PRMT8: variants seen among roughly 807,000 people sequenced by gnomAD.
PRMT8 encodes the protein protein arginine methyltransferase 8, also known as protein arginine N-methyltransferase 8.
A neutral mutation model predicts 47.1 loss-of-function variants in PRMT8; 7 were observed. The observed-to-expected ratio is 0.15, with a 90% CI of 0.08 to 0.28. The LOEUF (loss-of-function observed/expected upper bound fraction) is 0.28, where lower values mean the gene tolerates loss of function less well. Ranked by LOEUF, PRMT8 falls within the 10% of genes least tolerant of loss-of-function variation. The pLI, the probability that PRMT8 is intolerant of heterozygous loss-of-function variation, is 1.00. For synonymous variants in PRMT8, 188 were observed against 186.5 expected (o/e 1.01, Z -0.07); for missense variants, 237 against 505.4 (o/e 0.47, Z 5.09).
At chr12:3,438,781 G>T (rs1263597271) in intron 1 of PRMT8, among the ~76,000 whole-genome samples, 1 of 152,240 alleles carries the variant, frequency 6.6e-6, no homozygotes, top group African/African-American at 2.4e-5. Context: ...TAAGAACAGA[G>T]TGGTGAGTTT....
At chr12:3,524,044 C>T (rs961353242) in intron 1 of PRMT8, among the ~76,000 whole-genome samples, 2 of 152,180 alleles carry the variant, frequency 1.3e-5, no homozygotes, top group Admixed American at 1.3e-4. Flanking sequence ...TGTTAGTATC[C>T]AATTGCACCG....
chr12:3,415,482 C>G (rs1864474615), intron 1 of PRMT8, among the ~76,000 whole-genome samples: 1 of 152,184 alleles, frequency 6.6e-6, no homozygotes, highest in African/African-American at 2.4e-5. Context: ...TGACCAGCCC[C>G]ATCCTGAAGC....
chr12:3,506,090 G>C (rs767623490), intron 1 of PRMT8, among the ~76,000 whole-genome samples: 2 of 152,172 alleles, frequency 1.3e-5, no homozygotes, highest in Non-Finnish European at 1.5e-5. Flanking sequence ...GCAGGCTCTG[G>C]GGTTAGTGTG....
rs184322766 is a variant in PRMT8, at chr12:3,563,259, G to A, written c.482-5447G>A. Among the ~76,000 whole-genome samples, 236 of 152,170 alleles carry A rather than the reference G, an allele frequency of 1.6e-3. 2 individuals are homozygous for A. Among genetic ancestry groups the A allele is most frequent in the African/African-American group, 4.9e-3 (205 of 41,524 alleles). ...GGGCTTTAGAGCTCCAGCCAAGCAC[G>A]TTGGGCCCTGAGCCCTCAAGAGAGC... On this transcript the variant is annotated intron_variant, in intron 4 of 9. Coordinates refer to ENST00000382622, the MANE Select transcript of PRMT8 (RefSeq NM_019854.5).
rs896018948 is a variant in PRMT8, at chr12:3,409,149, G to T, written c.48+27707G>T. 1.3e-5 allele frequency among the ~76,000 whole-genome samples: 2 copies of T among 152,148 alleles called. No individual in the cohort carries two copies. Among genetic ancestry groups the T allele is most frequent in the African/African-American group, 4.8e-5 (2 of 41,428 alleles). Reference sequence around the variant, plus strand: ...TGAAGGTTCACTCTCTGTGAAGCATGGGTGAATGCAGATGGCCCACAAAGC... The same window carrying T: ...TGAAGGTTCACTCTCTGTGAAGCATTGGTGAATGCAGATGGCCCACAAAGC... On this transcript the variant is annotated intron_variant, in intron 1 of 9. Transcript: ENST00000452611. The surrounding 1 kb of genome is among the most constrained non-coding windows in gnomAD (Gnocchi z 4.4).
At chr12:3,591,854 C>A (rs565194938) in intron 8 of PRMT8, among the ~76,000 whole-genome samples, 15 of 152,310 alleles carry the variant, frequency 9.8e-5, no homozygotes, top group African/African-American at 3.6e-4. Context: ...TGAAGATCTT[C>A]ATTCTGTTGA....
In PRMT8 at chr12:3,537,617, C is replaced by T. The variant is rs199696948; in HGVS notation, c.76-2989C>T. 3.3e-5 allele frequency among the ~76,000 whole-genome samples: 5 copies of T among 152,174 alleles called. No homozygotes were observed. In the East Asian group the frequency reaches 9.6e-4, roughly 29 times the overall value. Reference sequence around the variant, plus strand: ...CATTATTTCCCCCCACCCCAACCTGCTCTGCCTGCTGACTGGCTTATTTTT... The same window carrying T: ...CATTATTTCCCCCCACCCCAACCTGTTCTGCCTGCTGACTGGCTTATTTTT... On this transcript the variant is annotated intron_variant, in intron 1 of 9. Transcript: ENST00000382622.
At chr12:3,560,092 G>A (rs1006034820) in intron 4 of PRMT8, among the ~76,000 whole-genome samples, 6 of 152,166 alleles carry the variant, frequency 3.9e-5, no homozygotes, top group Non-Finnish European at 7.3e-5. Flanking sequence ...TCCTCCCAGG[G>A]TTTGCAACAG....
chr12:3,529,362 C>A lies in PRMT8; in HGVS notation c.76-11244C>A, dbSNP rs76823765. Reference sequence around the variant, plus strand: ...TTCAATATCTCAAAACCTATTATTTCTTATCTTTTATCTGTTTTTTTAACT... The same window carrying A: ...TTCAATATCTCAAAACCTATTATTTATTATCTTTTATCTGTTTTTTTAACT... On this transcript the variant is annotated intron_variant, in intron 1 of 9. Transcript: ENST00000382622. Among the ~76,000 whole-genome samples the A allele has an allele frequency of 2.1e-4, 32 of 152,194 alleles. 1 individual carries two copies. The East Asian group carries it at 2.7e-3, about 13-fold the overall frequency.
At chr12:3,549,880 G>A (rs1314931013) in intron 2 of PRMT8, 56 bp from the exon 3 acceptor site, 1 of 1,595,070 alleles carries the variant, frequency 6.3e-7, no homozygotes, top group Non-Finnish European at 8.6e-7. Flanking sequence ...TAGCCATGGT[G>A]TACACCCAGG....
chr12:3,518,977 G>T (rs1865836395), intron 1 of PRMT8, among the ~76,000 whole-genome samples: 1 of 151,832 alleles, frequency 6.6e-6, no homozygotes, highest in African/African-American at 2.4e-5. Flanking sequence ...AGCTCAAAAG[G>T]CTTTTGTAAG....
At chr12:3,419,550 C>T (rs890501947) in intron 1 of PRMT8, among the ~76,000 whole-genome samples, 1 of 152,130 alleles carries the variant, frequency 6.6e-6, no homozygotes, top group Non-Finnish European at 1.5e-5. Flanking sequence ...CCCTCGCCAC[C>T]CACCCCTTGC....
At chr12:3,511,937 C>A (rs1249035635) in intron 1 of PRMT8, among the ~76,000 whole-genome samples, 4 of 152,220 alleles carry the variant, frequency 2.6e-5, no homozygotes, top group Non-Finnish European at 5.9e-5. Context: ...AGGACATAGG[C>A]CTGAGCCAGG....
intron 1 of PRMT8, among the ~76,000 whole-genome samples, chr12:3,414,392 G>T (rs547087707): frequency 6.6e-6 from 1 of 152,278 alleles, no homozygotes; most frequent in Non-Finnish European, 1.5e-5. Context: ...TTTCAATTCC[G>T]ACACTATCTG....
At chr12:3,546,909 C>CA (rs1053173476) in intron 2 of PRMT8, among the ~76,000 whole-genome samples, 1 of 151,944 alleles carries the variant, frequency 6.6e-6, no homozygotes, top group Non-Finnish European at 1.5e-5. Flanking sequence ...AAAATATTAG[C>CA]AAAAAACACC....
intron 1 of PRMT8, among the ~76,000 whole-genome samples, chr12:3,386,991 AG>A (rs1383404114): frequency 1.3e-5 from 2 of 151,696 alleles, no homozygotes; most frequent in African/African-American, 4.8e-5. Context: ...TACAGGCATG[AG>A]CCACCACGCC....
intron 3 of PRMT8, chr12:3,551,850 A>G (rs1411848362): frequency 6.6e-6 from 1 of 152,522 alleles, no homozygotes; most frequent in Non-Finnish European, 1.5e-5. Flanking sequence ...GGAGACAGGC[A>G]CAGAGAAAGA....
Position 3,482,014 on chromosome 12 carries a change from G to A in PRMT8, c.49-58592G>A, listed in dbSNP as rs745435513. On this transcript the variant is annotated intron_variant, in intron 1 of 9. Transcript: ENST00000452611. ...GCTTCAGGGACTCTGTTATCCAATC[G>A]GGGAAAGGAAGGGAGAGGCCCAATC... Among the ~76,000 whole-genome samples, 101 of 152,302 alleles carry A rather than the reference G, an allele frequency of 6.6e-4. 1 individual carries two copies. The highest frequency in any genetic ancestry group is 1.2e-3 in the Non-Finnish European group (85 of 68,022).
intron 1 of PRMT8, among the ~76,000 whole-genome samples, chr12:3,483,657 A>G (rs1401822430): frequency 6.6e-6 from 1 of 152,354 alleles, no homozygotes; most frequent in East Asian, 1.9e-4. Context: ...GTCTGTCGCC[A>G]TCACTGCGTA....
Sources: gnomAD v4.1 joint callset for allele counts (sites outside exome capture counted in the v4.1 genomes callset) on GRCh38, gnomAD v4.1.1 for gene constraint, Gnocchi (gnomAD v3.1) non-coding constraint, MANE v1.5 for transcripts, NCBI Gene and HGNC (gene_info 2026-07-23, HGNC 2026-07-21) for gene names.